Variants in SNAPC3 observed in about 807,000 individuals in gnomAD.
SNAPC3 encodes small nuclear RNA activating complex polypeptide 3.
A neutral mutation model predicts 47.7 loss-of-function variants in SNAPC3; 56 were observed. The ratio of observed to expected loss-of-function variants is 1.18; its 90% CI spans 0.95 to 1.47. The LOEUF (loss-of-function observed/expected upper bound fraction) is 1.47. Among genes scored for constraint, SNAPC3 ranks in the 40% most tolerant of loss-of-function variants. The probability of loss-of-function intolerance (pLI) is 0.00; values close to 1 mark genes in which losing one functional copy is unlikely to be tolerated. For missense variants in SNAPC3, 665 were observed against 511.3 expected, an observed-to-expected ratio of 1.30 and a Z score of -2.90; for synonymous variants, 235 against 189.9, an observed-to-expected ratio of 1.24 and a Z score of -1.95.
rs760314540 is a variant in SNAPC3 at position 15,459,797 on chromosome 9, T to C, written c.1167T>C (p.Tyr389=). The C allele has an allele frequency of 1.2e-6, 2 of 1,613,440 alleles. No homozygotes were observed. The highest frequency in any genetic ancestry group is 1.7e-5 in the Admixed American group (1 of 59,944). The change falls in exon 9 of 9, where the codon TAT becomes TAC. Residue 389 remains tyrosine, a synonymous_variant. Transcript: ENST00000380821. ...FCDVCFRMLH[Y]DSEGNKLGEF... ...ATGTTTGCTTCCGAATGCTGCACTATGATTCAGAAGGCAACAAACTGGGGG... is the reference window on the plus strand; with the variant it reads ...ATGTTTGCTTCCGAATGCTGCACTACGATTCAGAAGGCAACAAACTGGGGG...
downstream of SNAPC3, chr9:15,464,762 A>C (rs1289342529): frequency 4.9e-6 from 1 of 205,790 alleles, no homozygotes; most frequent in Non-Finnish European, 9.9e-6. Context: ...AAATGATTTA[A>C]CCCTAAAGCC....
chr9:15,441,715 A>C (rs1227714637), intron 3 of SNAPC3, among the ~76,000 whole-genome samples: 1 of 152,128 alleles, frequency 6.6e-6, no homozygotes, highest in Non-Finnish European at 1.5e-5. Flanking sequence ...GTTGGGGGTA[A>C]GGTTATAGAT....
At chr9:15,423,431 A>C (rs1327214366) in intron 1 of SNAPC3, among the ~76,000 whole-genome samples, 1 of 152,192 alleles carries the variant, frequency 6.6e-6, no homozygotes, top group Non-Finnish European at 1.5e-5. Context: ...TGCATCAAAG[A>C]CTAGTTTTTC....
At chr9:15,427,676 A>G (rs1587153604) in intron 2 of SNAPC3, among the ~76,000 whole-genome samples, 1 of 152,332 alleles carries the variant, frequency 6.6e-6, no homozygotes, top group East Asian at 1.9e-4. Context: ...AATACAATAG[A>G]AATTTTAGAT....
downstream of SNAPC3, chr9:15,462,264 G>C (rs2035273548): frequency 6.6e-6 from 1 of 152,122 alleles, no homozygotes. Flanking sequence ...TAGTTCTTAA[G>C]GTTAAGTTTT....
At chr9:15,441,407 T>TTTA (rs869223725) in intron 3 of SNAPC3, among the ~76,000 whole-genome samples, 1 of 133,118 alleles carries the variant, frequency 7.5e-6, no homozygotes, top group Admixed American at 7.6e-5. Flanking sequence ...TTTTTTTTTT[T>TTTA]AGTATTTATT....
intron 3 of SNAPC3, among the ~76,000 whole-genome samples, chr9:15,443,195 GGAGAGGGA>G (rs1043966491): frequency 2.6e-5 from 4 of 152,074 alleles, no homozygotes; most frequent in East Asian, 1.9e-4. Context: ...GGGGAGAGGG[GGAGAGGGA>G]GAGAGGGAGA....
chr9:15,440,329 G>C (rs1057064092), intron 3 of SNAPC3, among the ~76,000 whole-genome samples: 7 of 152,146 alleles, frequency 4.6e-5, no homozygotes, highest in African/African-American at 1.7e-4. Flanking sequence ...ATTTCAGCCT[G>C]AAGAATCCTC....
At chr9:15,443,678 C>G (rs577263418) in intron 3 of SNAPC3, among the ~76,000 whole-genome samples, 1 of 152,238 alleles carries the variant, frequency 6.6e-6, no homozygotes, top group African/African-American at 2.4e-5. Context: ...ATGCACGTAC[C>G]TGGACCAGGC....
At chr9:15,430,808 A>T (rs73415402) in intron 2 of SNAPC3, among the ~76,000 whole-genome samples, 1 of 152,306 alleles carries the variant, frequency 6.6e-6, no homozygotes, top group African/African-American at 2.4e-5. Flanking sequence ...ATGAGGAAGG[A>T]TTAATTCAGA....
At chr9:15,456,639 T>C (rs1471555696) in intron 7 of SNAPC3, among the ~76,000 whole-genome samples, 1 of 152,106 alleles carries the variant, frequency 6.6e-6, no homozygotes, top group Non-Finnish European at 1.5e-5. Flanking sequence ...GGCCAATTTT[T>C]CTATTTTTTG....
At chr9:15,466,615 T>C, downstream of SNAPC3, 4 of 637,576 alleles carry the variant, frequency 6.3e-6, no homozygotes, top group Non-Finnish European at 1.0e-5. Context: ...GAATTGTAAC[T>C]TGCTTACTGA....
In SNAPC3 at chr9:15,433,570, G is replaced by C. The variant is rs759939568; in HGVS notation, c.411G>C (p.Leu137Phe). The change falls in exon 3 of 9, where the codon TTG (leucine) becomes TTC (phenylalanine). Residue 137 changes from leucine (L) to phenylalanine (F), a missense_variant. Transcript: ENST00000380821. ...ACAACAGGGTTAGAAAAAGGTTCTT[G>C]GAACATCGGGAAGAAACCATTACAA... ...LVTLGVRKRF[L>F]EHREETITID... 3.5e-5 allele frequency: 56 copies of C among 1,602,704 alleles called. No homozygotes were observed. In the East Asian group the frequency reaches 9.6e-4, roughly 28 times the overall value.
rs2033789202 is a variant in SNAPC3, at chr9:15,444,733, A to G, written c.582+27A>G. Reference sequence around the variant, plus strand: ...TAAGTAGTAAAACCTTTTGGATTTTATGGATAATAGTAACTTTTGTAAAAG... The same window carrying G: ...TAAGTAGTAAAACCTTTTGGATTTTGTGGATAATAGTAACTTTTGTAAAAG... On this transcript the variant is annotated intron_variant, in intron 4 of 8. Transcript: ENST00000380821. 3 of 1,198,150 alleles carry G rather than the reference A, an allele frequency of 2.5e-6. 1 individual carries two copies. Among genetic ancestry groups the G allele is most frequent in the South Asian group, 2.6e-5 (2 of 78,298 alleles). 74.2% of individuals were successfully genotyped at this position (1,198,150 alleles called of 1,614,324 possible). A position where few individuals can be genotyped will look rare whatever the true frequency, so the allele number is the denominator to read the frequency against.
At position 15,459,769 on chromosome 9, in the gene SNAPC3, G is replaced by C. The variant is rs1232581516; in HGVS notation, c.1139G>C (p.Cys380Ser). The change falls in exon 9 of 9, where the codon TGT becomes TCT. Residue 380 changes from cysteine to serine, a missense_variant. Cys to Ser is a moderately radical substitution (Grantham distance 112). Coordinates refer to ENST00000380821, the MANE Select transcript of SNAPC3 (RefSeq NM_001039697.2). ...SFAPEDPCFF[C>S]DVCFRMLHYD... ...GCACCAGAGGACCCATGCTTCTTTTGTGATGTTTGCTTCCGAATGCTGCAC... is the reference window on the plus strand; with the variant it reads ...GCACCAGAGGACCCATGCTTCTTTTCTGATGTTTGCTTCCGAATGCTGCAC... 2 of 1,613,698 alleles carry C rather than the reference G, an allele frequency of 1.2e-6. No homozygotes were observed. Among genetic ancestry groups the C allele is most frequent in the Non-Finnish European group, 1.7e-6 (2 of 1,179,790 alleles).
chr9:15,444,548 G>A (rs1389670292), intron 3 of SNAPC3, 54 bp from the exon 4 acceptor site: 2 of 1,135,758 alleles, frequency 1.8e-6, no homozygotes, highest in Non-Finnish European at 2.7e-6. Context: ...GTACCACACT[G>A]CATCTTATCT....
intron 1 of SNAPC3, among the ~76,000 whole-genome samples, 159 bp from the exon 2 acceptor site, chr9:15,423,750 A>G (rs555825115): frequency 6.6e-6 from 1 of 152,250 alleles, no homozygotes; most frequent in Non-Finnish European, 1.5e-5. Flanking sequence ...ATAAAATATA[A>G]TCACAGAAAT....
At chr9:15,446,554 G>C (rs1208829294) in intron 4 of SNAPC3, among the ~76,000 whole-genome samples, 1 of 152,194 alleles carries the variant, frequency 6.6e-6, no homozygotes, top group Non-Finnish European at 1.5e-5. Flanking sequence ...ATGACATGGA[G>C]AGGCTATAAT....
Position 15,433,286 on chromosome 9 carries a change from G to C in SNAPC3, c.393-266G>C, listed in dbSNP as rs147342238. ...ATCTGGAACAGAAAAAAAAAAAAAC[G>C]AGTAAATTAAAAATTGTGTGAAATT... is the stretch of plus-strand genomic sequence containing the variant. On this transcript the variant is annotated intron_variant, in intron 2 of 8. Transcript: ENST00000380821. 2.1e-3 allele frequency among the ~76,000 whole-genome samples: 316 copies of C among 150,344 alleles called. 3 individuals are homozygous for C. The highest frequency in any genetic ancestry group is 7.1e-3 in the African/African-American group (291 of 40,758).
Sources: allele counts gnomAD v4.1 joint callset (sites outside exome capture counted in the v4.1 genomes callset), GRCh38; gene constraint gnomAD v4.1.1; transcripts MANE v1.5; gene names NCBI Gene and HGNC (gene_info 2026-07-23, HGNC 2026-07-21).